HMCN1: variants seen among roughly 807,000 people sequenced by gnomAD.
HMCN1 encodes hemicentin-1.
A neutral mutation model predicts 625.9 loss-of-function variants in HMCN1; 321 were observed. The ratio of observed to expected loss-of-function variants is 0.51; its 90% confidence interval spans 0.47 to 0.56. The LOEUF (loss-of-function observed/expected upper bound fraction) is 0.56, where lower values mean the gene tolerates loss of function less well. Among genes scored for constraint, HMCN1 ranks in the 20% least tolerant of loss-of-function variants. The pLI is 0.00. For missense variants in HMCN1, 6,588 were observed against 6,887.3 expected, an observed-to-expected ratio of 0.96 and a Z score of 1.54; for synonymous variants, 2,425 against 2,417.6, an observed-to-expected ratio of 1.00 and a Z score of -0.09.
At chr1:185,751,548 T>C (rs1451884795) in intron 1 of HMCN1, among the ~76,000 whole-genome samples, 1 of 152,212 alleles carries the variant, frequency 6.6e-6, no homozygotes, top group East Asian at 1.9e-4. Flanking sequence ...CTCAGATTTT[T>C]ATTAAATTCT....
intron 2 of HMCN1, among the ~76,000 whole-genome samples, chr1:185,856,784 A>G (rs1285557198): frequency 2.0e-5 from 3 of 152,192 alleles, no homozygotes; most frequent in Non-Finnish European, 4.4e-5. Context: ...CAACTGATAT[A>G]AAAACGAGTT....
chr1:185,921,251 GT>G (rs1204956845), intron 6 of HMCN1, among the ~76,000 whole-genome samples: 6 of 152,100 alleles, frequency 3.9e-5, no homozygotes, highest in Non-Finnish European at 5.9e-5. Flanking sequence ...ATGATGATGG[GT>G]TTTTTTCTTC....
In HMCN1 at chr1:186,138,849, G is replaced by A. The variant is rs10489754; in HGVS notation, c.13924+877G>A. Reference sequence around the variant, plus strand: ...GGGTGAACTGTCTACCTAGTGTAAAGAGTGTTGAGAAAGAAATCATGCAAA... The same window carrying A: ...GGGTGAACTGTCTACCTAGTGTAAAAAGTGTTGAGAAAGAAATCATGCAAA... On this transcript the variant is annotated intron_variant, in intron 89 of 106. Transcript: ENST00000271588. Among the ~76,000 whole-genome samples the A allele has an allele frequency of 5.3e-3, 813 of 152,306 alleles. 6 individuals are homozygous for A. The highest frequency in any genetic ancestry group is 0.018 in the African/African-American group (748 of 41,578).
intron 36 of HMCN1, among the ~76,000 whole-genome samples, chr1:186,030,940 C>T (rs1421197965): frequency 1.3e-5 from 2 of 151,680 alleles, no homozygotes; most frequent in African/African-American, 2.4e-5. Context: ...CTCTCTTTTT[C>T]CCCTCTTTTG....
chr1:186,094,385 A>G lies in HMCN1; in HGVS notation c.10294+12A>G, dbSNP rs202213902. 4.6e-5 allele frequency: 73 copies of G among 1,585,870 alleles called. No homozygotes were observed. Among genetic ancestry groups the G allele is most frequent in the South Asian group, 4.0e-4 (36 of 90,562 alleles). ...TCTTCAAGTGTTTGGTATGTGTCAC[A>G]GAAATGACCCTATTACTTTGCTATG... On this transcript the variant is annotated intron_variant, in intron 67 of 106. Coordinates refer to ENST00000271588, the MANE Select transcript of HMCN1 (RefSeq NM_031935.3).
chr1:186,047,215 GA>G (rs1384446232), intron 41 of HMCN1, among the ~76,000 whole-genome samples: 3 of 152,126 alleles, frequency 2.0e-5, no homozygotes, highest in African/African-American at 7.2e-5. Flanking sequence ...GAAAAGACCA[GA>G]ATCACTGCTG....
chr1:186,056,464 G>T (rs765191565), intron 45 of HMCN1, among the ~76,000 whole-genome samples: 44 of 151,918 alleles, frequency 2.9e-4, no homozygotes, highest in Non-Finnish European at 5.3e-4. Context: ...AAAGATGAGT[G>T]ATTCATATTC....
intron 1 of HMCN1, among the ~76,000 whole-genome samples, chr1:185,845,319 G>A (rs1240684308): frequency 2.0e-5 from 3 of 152,118 alleles, no homozygotes. Context: ...CTGGGTTCAA[G>A]CAATTCTCCT....
chr1:185,987,516 A>T lies in HMCN1; in HGVS notation c.3020A>T (p.Asn1007Ile), dbSNP rs34460141. 8,771 of 1,612,682 alleles carry T rather than the reference A, an allele frequency of 5.4e-3. 375 individuals carry two copies. The African/African-American group carries it at 0.099, about 18-fold the overall frequency. The change falls in exon 20 of 107, where the codon AAT (asparagine) becomes ATT (isoleucine). Residue 1007 changes from asparagine to isoleucine, a missense_variant. Asn to Ile is a moderately radical substitution (Grantham distance 149). This residue lies in a region of HMCN1 where 4,628 missense variants were observed against 4,853.1 expected (regional missense o/e 0.95). Transcript: ENST00000271588. Reference protein sequence around the residue: ...PVTLPCKASGNPKPSVIWSKK... With the variant: ...PVTLPCKASGIPKPSVIWSKK... ...ACTTTACCATGCAAAGCAAGTGGAA[A>T]TCCCAAACCGTCTGTCATCTGGTCC... is the stretch of plus-strand genomic sequence containing the variant.
intron 48 of HMCN1, among the ~76,000 whole-genome samples, chr1:186,064,467 GT>G (rs1368729440): frequency 1.3e-5 from 2 of 151,846 alleles, no homozygotes; most frequent in Non-Finnish European, 1.5e-5. Flanking sequence ...TTAATTAAAG[GT>G]TTTGCTTTTT....
chr1:185,831,063 GT>G (rs1173980652), intron 1 of HMCN1, among the ~76,000 whole-genome samples: 2 of 152,182 alleles, frequency 1.3e-5, no homozygotes, highest in Non-Finnish European at 2.9e-5. Flanking sequence ...GGTAAATGAT[GT>G]GAGCATGATA....
At chr1:185,978,688 T>C (rs1417785544) in intron 16 of HMCN1, among the ~76,000 whole-genome samples, 1 of 152,174 alleles carries the variant, frequency 6.6e-6, no homozygotes. Flanking sequence ...TTTATTTTTA[T>C]ATTTTGGGTG....
chr1:186,045,983 T>A, intron 41 of HMCN1, 120 bp downstream of exon 41: 1 of 742,172 alleles, frequency 1.3e-6, no homozygotes, highest in Non-Finnish European at 2.2e-6. Flanking sequence ...TACAAAATTC[T>A]AGGAACCCTT....
At chr1:185,895,886 A>G (rs1332311004) in intron 4 of HMCN1, among the ~76,000 whole-genome samples, 1 of 151,996 alleles carries the variant, frequency 6.6e-6, no homozygotes, top group Admixed American at 6.6e-5. Context: ...AAATTGCCAC[A>G]TTTGGTTTGT....
At chr1:185,758,511 C>T (rs112685240) in intron 1 of HMCN1, among the ~76,000 whole-genome samples, 4,659 of 152,254 alleles carry the variant, frequency 0.031, 252 homozygotes, top group African/African-American at 0.11. Context: ...TTGCACATGC[C>T]TGTAGTCCCA....
At chr1:185,966,314 TA>T (rs1650402614) in intron 14 of HMCN1, among the ~76,000 whole-genome samples, 2 of 152,192 alleles carry the variant, frequency 1.3e-5, no homozygotes, top group Non-Finnish European at 2.9e-5. Context: ...ATACTTTCTA[TA>T]AAGTGTTCAA....
intron 36 of HMCN1, 58 bp downstream of exon 36, chr1:186,023,211 G>T: frequency 6.8e-7 from 1 of 1,465,146 alleles, no homozygotes. Flanking sequence ...TAAAAACATA[G>T]TGGGCTCATT....
intron 1 of HMCN1, among the ~76,000 whole-genome samples, chr1:185,783,511 G>A (rs1005592089): frequency 2.3e-4 from 35 of 152,194 alleles, no homozygotes; most frequent in African/African-American, 7.9e-4. Flanking sequence ...GGTGACGTAC[G>A]GATGGGGTTT....
intron 104 of HMCN1, 92 bp downstream of exon 104, chr1:186,178,858 A>G (rs1487986557): frequency 4.5e-6 from 4 of 895,954 alleles, no homozygotes; most frequent in Non-Finnish European, 7.5e-6. Context: ...AGTGCAGTGA[A>G]CTACATCTGA....
Sources: gnomAD v4.1 joint callset for allele counts (sites outside exome capture counted in the v4.1 genomes callset) on GRCh38, gnomAD v4.1.1 for gene constraint, gnomAD v4.1.1 regional missense constraint, MANE v1.5 for transcripts, NCBI Gene and HGNC (gene_info 2026-07-23, HGNC 2026-07-21) for gene names.